GRID1: variants seen among roughly 807,000 people sequenced by gnomAD.
The protein encoded by GRID1 is glutamate receptor ionotropic, delta-1.
Under a neutral mutation model 98.0 loss-of-function variants are expected in GRID1, and 28 were observed. The observed-to-expected ratio is 0.29, with a 90% confidence interval of 0.21 to 0.39. The LOEUF (loss-of-function observed/expected upper bound fraction) is 0.39, where lower values mean the gene tolerates loss of function less well. Among genes scored for constraint, GRID1 ranks in the 10% least tolerant of loss-of-function variants. GRID1 has a pLI of 1.00. For missense variants in GRID1, 1,111 were observed against 1,340.5 expected (o/e 0.83, Z 2.67); for synonymous variants, 553 against 538.5 (o/e 1.03, Z -0.37).
chr10:85,966,427 G>C (rs1842337184), intron 4 of GRID1, among the ~76,000 whole-genome samples: 1 of 152,202 alleles, frequency 6.6e-6, no homozygotes, highest in South Asian at 2.1e-4. Context: ...AATACAGAGA[G>C]TTGTAAGTAC....
intron 5 of GRID1, among the ~76,000 whole-genome samples, chr10:85,890,001 C>T (rs1187101570): frequency 1.3e-5 from 2 of 152,122 alleles, no homozygotes; most frequent in Non-Finnish European, 2.9e-5. Flanking sequence ...GGGTGATTAG[C>T]ATAGCCATCA....
chr10:85,883,522 CTCTCTCTG>C (rs1195394136), intron 5 of GRID1, among the ~76,000 whole-genome samples: 51 of 150,458 alleles, frequency 3.4e-4, no homozygotes, highest in Middle Eastern at 6.8e-3. Context: ...CTCTCTCTCT[CTCTCTCTG>C]TCTCTCTCTC....
At chr10:86,016,151 T>C (rs998645056) in intron 4 of GRID1, among the ~76,000 whole-genome samples, 5 of 150,980 alleles carry the variant, frequency 3.3e-5, no homozygotes, top group Admixed American at 6.6e-5. Context: ...ACCATCTTTT[T>C]TTTTTTTTTT....
chr10:85,892,104 A>G (rs1841209514), intron 5 of GRID1, among the ~76,000 whole-genome samples: 1 of 151,908 alleles, frequency 6.6e-6, no homozygotes, highest in Admixed American at 6.6e-5. Flanking sequence ...TGAGATGAAA[A>G]ATACACTGGA....
intron 3 of GRID1, among the ~76,000 whole-genome samples, chr10:86,151,686 G>A (rs1280716722): frequency 7.2e-5 from 11 of 152,162 alleles, no homozygotes; most frequent in East Asian, 3.9e-4. Flanking sequence ...AGCCCCAACC[G>A]AGTTAACCTG....
intron 8 of GRID1, among the ~76,000 whole-genome samples, chr10:85,854,118 A>G (rs1299007167): frequency 2.0e-5 from 3 of 151,544 alleles, no homozygotes; most frequent in Admixed American, 6.6e-5. Flanking sequence ...TCAGGCTGTA[A>G]CCTCTGCCTC....
chr10:85,893,235 A>C (rs1160297073), intron 5 of GRID1, among the ~76,000 whole-genome samples: 2 of 152,204 alleles, frequency 1.3e-5, no homozygotes, highest in African/African-American at 2.4e-5. Flanking sequence ...AACTTCTTCA[A>C]CATGATAAAG....
At chr10:86,133,929 T>A (rs1589382883) in intron 4 of GRID1, among the ~76,000 whole-genome samples, 1 of 152,236 alleles carries the variant, frequency 6.6e-6, no homozygotes, top group East Asian at 1.9e-4. Context: ...AAACAAACAG[T>A]TTAAAATCAT....
chr10:85,656,743 T>C (rs1003259904), intron 12 of GRID1, among the ~76,000 whole-genome samples: 3 of 152,216 alleles, frequency 2.0e-5, no homozygotes, highest in Non-Finnish European at 4.4e-5. Flanking sequence ...CTATCTCTTC[T>C]ATCAAGATAC....
intron 4 of GRID1, among the ~76,000 whole-genome samples, chr10:85,991,570 G>A (rs537192451): frequency 1.3e-5 from 2 of 152,198 alleles, no homozygotes; most frequent in African/African-American, 4.8e-5. Flanking sequence ...AGGAGCCTGC[G>A]AAGGAAACTG....
intron 4 of GRID1, among the ~76,000 whole-genome samples, chr10:86,044,131 A>T (rs1843386265): frequency 6.6e-6 from 1 of 152,246 alleles, no homozygotes; most frequent in Non-Finnish European, 1.5e-5. Context: ...TTTCAAGGTC[A>T]GGAAATGAAC....
chr10:86,202,776 A>G (rs1474909062), intron 3 of GRID1, among the ~76,000 whole-genome samples: 1 of 152,180 alleles, frequency 6.6e-6, no homozygotes, highest in Non-Finnish European at 1.5e-5. Context: ...AGGACATTCC[A>G]GGGTTTAAAG....
intron 4 of GRID1, among the ~76,000 whole-genome samples, chr10:85,952,113 T>G (rs539124207): frequency 5.9e-4 from 90 of 152,372 alleles, no homozygotes; most frequent in African/African-American, 2.0e-3. Context: ...GATTCTCCTT[T>G]CTGTCTCTTA....
At chr10:86,345,863 G>A (rs1736751294) in intron 2 of GRID1, among the ~76,000 whole-genome samples, 1 of 152,140 alleles carries the variant, frequency 6.6e-6, no homozygotes, top group Non-Finnish European at 1.5e-5. Context: ...CTATGCCCAG[G>A]GACCCTGGAC....
At chr10:86,000,189 T>G (rs1842787821) in intron 4 of GRID1, among the ~76,000 whole-genome samples, 1 of 152,168 alleles carries the variant, frequency 6.6e-6, no homozygotes, top group Non-Finnish European at 1.5e-5. Flanking sequence ...AATGTAGAAT[T>G]GGAAAACAAA....
intron 5 of GRID1, among the ~76,000 whole-genome samples, chr10:85,898,018 G>A (rs936561701): frequency 7.2e-5 from 11 of 152,126 alleles, no homozygotes; most frequent in African/African-American, 2.4e-4. Flanking sequence ...TTAGATGATT[G>A]TGTCATTGTG....
chr10:86,158,587 C>T (rs1369494336), intron 3 of GRID1, among the ~76,000 whole-genome samples: 1 of 152,192 alleles, frequency 6.6e-6, no homozygotes, highest in Admixed American at 6.5e-5. Context: ...CACGGAGGTA[C>T]CACAGAGATG....
At chr10:86,272,718 G>A (rs192517785) in intron 2 of GRID1, among the ~76,000 whole-genome samples, 63 of 152,244 alleles carry the variant, frequency 4.1e-4, no homozygotes, top group Admixed American at 7.2e-4. Context: ...ACAATAGACT[G>A]CCTAAGACCT....
chr10:86,091,605 T>G (rs540504535), intron 4 of GRID1, among the ~76,000 whole-genome samples: 1 of 151,264 alleles, frequency 6.6e-6, no homozygotes. Context: ...GAGCCCCGCC[T>G]AGCACCGGTC....
Sources: allele counts gnomAD v4.1 joint callset (sites outside exome capture counted in the v4.1 genomes callset), GRCh38; gene constraint gnomAD v4.1.1; transcripts MANE v1.5; gene names NCBI Gene and HGNC (gene_info 2026-07-23, HGNC 2026-07-21).